The following GTPBP1 variants were observed in gnomAD, a reference collection of about 807,000 sequenced individuals.
The protein encoded by GTPBP1 is GTP-binding protein 1.
A neutral mutation model predicts 62.0 loss-of-function variants in GTPBP1; 23 were observed. That is an observed-to-expected ratio of 0.37 (90% CI 0.27 to 0.53). The LOEUF is 0.53. Ranked by LOEUF, GTPBP1 falls within the 20% of genes least tolerant of loss-of-function variation. The pLI, the probability that GTPBP1 is intolerant of heterozygous loss-of-function variation, is 0.89. For missense variants in GTPBP1, 640 were observed against 917.3 expected, an observed-to-expected ratio of 0.70 and a Z score of 3.90; for synonymous variants, 344 against 364.4, an observed-to-expected ratio of 0.94 and a Z score of 0.64.
In GTPBP1 at chr22:38,729,417, C is replaced by T. The variant is rs376974218; in HGVS notation, c.1717-45C>T. On this transcript the variant is annotated intron_variant, in intron 10 of 11. Coordinates refer to ENST00000216044, the MANE Select transcript of GTPBP1 (RefSeq NM_004286.5). ...GTGGGGGGTAGCCAAGCCAGTGCCA[C>T]TGCCCCGCAGCTCCAGCCTCAGCCT... 5.5e-6 allele frequency: 8 copies of T among 1,452,424 alleles called. No homozygotes were observed. The African/African-American group carries it at 1.2e-4, about 21-fold the overall frequency. 90.0% of individuals were successfully genotyped at this position (1,452,424 alleles called of 1,614,324 possible).
downstream of GTPBP1, chr22:38,736,167 T>A: frequency 8.8e-7 from 1 of 1,142,394 alleles, no homozygotes; most frequent in Non-Finnish European, 1.3e-6. Context: ...TCCTCTCTTG[T>A]GCTCCTAGAA....
At position 38,707,811 on chromosome 22, in the gene GTPBP1, T is replaced by C. The variant is rs548957936; in HGVS notation, c.193-1034T>C. On this transcript the variant is annotated intron_variant, in intron 1 of 11. Coordinates refer to ENST00000216044, the MANE Select transcript of GTPBP1 (RefSeq NM_004286.5). ...CATATGTATATTAATATCGATGATA[T>C]CAAAAAGAAAAAGTGATGGTGTGGA... 1.4e-4 allele frequency among the ~76,000 whole-genome samples: 22 copies of C among 152,292 alleles called. 1 individual carries two copies. Among genetic ancestry groups the C allele is most frequent in the Middle Eastern group, 3.4e-3 (1 of 294 alleles).
At position 38,730,736 on chromosome 22, in the gene GTPBP1, G is replaced by T. The variant is rs759611984; in HGVS notation, c.*32G>T. On this transcript the variant is annotated 3_prime_UTR_variant, in exon 12 of 12. Transcript: ENST00000216044. This position sits in a 1 kb window ranked among gnomAD's most constrained non-coding sequence, Gnocchi z 5.6. ...CCCTGGCCCACCCTCACCACCCAAG[G>T]GGTCATCATCTCTGGCCACCACTCC... The T allele has an allele frequency of 8.0e-6, 10 of 1,253,026 alleles. No homozygotes were observed. The South Asian group carries it at 1.2e-4, about 15-fold the overall frequency. The allele number at this position is 1,253,026 out of a possible 1,614,324, so 77.6% of individuals were successfully genotyped here. A position where few individuals can be genotyped will look rare whatever the true frequency, so the allele number is the denominator to read the frequency against.
chr22:38,734,182 A>G (rs1321692072), downstream of GTPBP1: 1 of 347,862 alleles, frequency 2.9e-6, no homozygotes, highest in Non-Finnish European at 5.7e-6. Context: ...GCCAGGTGCC[A>G]CGGTCAGTAT....
chr22:38,706,172 C>T (rs1485360700), intron 1 of GTPBP1, 25 bp downstream of exon 1: 5 of 1,220,918 alleles, frequency 4.1e-6, no homozygotes, highest in Middle Eastern at 3.1e-4. Flanking sequence ...CGGCGGCGGG[C>T]GCTGAGGGGA....
chr22:38,711,975 G>C (rs564777163), intron 2 of GTPBP1, among the ~76,000 whole-genome samples: 1 of 152,142 alleles, frequency 6.6e-6, no homozygotes, highest in Non-Finnish European at 1.5e-5. Context: ...CTGCCTCCTG[G>C]GTTCAAGCAG....
chr22:38,717,884 C>T (rs2092679461), intron 4 of GTPBP1, among the ~76,000 whole-genome samples: 1 of 152,206 alleles, frequency 6.6e-6, no homozygotes, highest in Non-Finnish European at 1.5e-5. Context: ...ACACACATGC[C>T]TCGAGTGTTC....
At chr22:38,711,297 G>A (rs2092637674) in intron 2 of GTPBP1, among the ~76,000 whole-genome samples, 2 of 152,170 alleles carry the variant, frequency 1.3e-5, no homozygotes, top group South Asian at 4.1e-4. Flanking sequence ...CATTCTTAAT[G>A]TTGATATTTT....
downstream of GTPBP1, chr22:38,738,023 C>T: frequency 1.3e-6 from 1 of 763,372 alleles, no homozygotes; most frequent in South Asian, 1.4e-5. The surrounding 1 kb of genome is among the most constrained non-coding windows in gnomAD (Gnocchi z 6.6). Flanking sequence ...CGTGTTACAC[C>T]CCATTTGGAT....
At chr22:38,715,131 C>T (rs143225503) in intron 2 of GTPBP1, among the ~76,000 whole-genome samples, 72 of 152,272 alleles carry the variant, frequency 4.7e-4, no homozygotes, top group African/African-American at 1.7e-3. Context: ...TAACTGGACT[C>T]CCCCCTTACT....
downstream of GTPBP1, chr22:38,735,314 A>T (rs780570850): frequency 4.5e-6 from 2 of 445,200 alleles, no homozygotes; most frequent in South Asian, 3.2e-5. Context: ...GGGCCTGGTT[A>T]GATGTGGGGG....
rs1157166040 is a variant in GTPBP1 at position 38,730,553 on chromosome 22, G to A, written c.1918-59G>A. ...TGTCTCCCCGCTGCTCAGCACCTCTGCTCTCTGGCCCTGCTCCTGATGGGC... is the reference window on the plus strand; with the variant it reads ...TGTCTCCCCGCTGCTCAGCACCTCTACTCTCTGGCCCTGCTCCTGATGGGC... On this transcript the variant is annotated intron_variant, in intron 11 of 11. Coordinates refer to ENST00000216044, the MANE Select transcript of GTPBP1 (RefSeq NM_004286.5). The surrounding 1 kb of genome is among the most constrained non-coding windows in gnomAD (Gnocchi z 5.6). 1.7e-6 allele frequency: 2 copies of A among 1,160,114 alleles called. No homozygotes were observed. The highest frequency in any genetic ancestry group is 2.6e-6 in the Non-Finnish European group (2 of 778,388). 71.9% of individuals were successfully genotyped at this position (1,160,114 alleles called of 1,614,324 possible). A position where few individuals can be genotyped will look rare whatever the true frequency, so the allele number is the denominator to read the frequency against.
At chr22:38,725,927 C>T in intron 6 of GTPBP1, 79 bp from the exon 7 acceptor site, 2 of 1,363,260 alleles carry the variant, frequency 1.5e-6, no homozygotes, top group Non-Finnish European at 2.1e-6. Flanking sequence ...CCTGTTGCTG[C>T]CCCTGGTCTG....
At position 38,723,623 on chromosome 22, in the gene GTPBP1, C is replaced by T. The variant is rs1396177720; in HGVS notation, c.959-674C>T. 2.0e-5 allele frequency: 10 copies of T among 506,838 alleles called. 1 individual carries two copies. Among genetic ancestry groups the T allele is most frequent in the Admixed American group, 1.4e-4 (4 of 29,032 alleles). 31.4% of individuals were successfully genotyped at this position (506,838 alleles called of 1,614,324 possible). On this transcript the variant is annotated intron_variant, in intron 5 of 11. Transcript: ENST00000216044. ...ATTTAGTTCTTGGTCTGAACACAGCCTAGAATTATCCTCTTCCTTGTTCCT... is the reference window on the plus strand; with the variant it reads ...ATTTAGTTCTTGGTCTGAACACAGCTTAGAATTATCCTCTTCCTTGTTCCT...
chr22:38,722,392 C>T (rs557122786), intron 5 of GTPBP1, among the ~76,000 whole-genome samples: 3 of 152,166 alleles, frequency 2.0e-5, no homozygotes, highest in Non-Finnish European at 4.4e-5. Context: ...TTTCAGGACC[C>T]TTGATCAGAA....
chr22:38,722,830 C>A, intron 5 of GTPBP1: 1 of 1,569,284 alleles, frequency 6.4e-7, no homozygotes, highest in Non-Finnish European at 8.8e-7. Context: ...GCTGGGCAGA[C>A]TTCTCCATGG....
chr22:38,706,204 C>T (rs1350733637), intron 1 of GTPBP1, 57 bp downstream of exon 1: 1 of 1,123,352 alleles, frequency 8.9e-7, no homozygotes, highest in African/African-American at 1.6e-5. Flanking sequence ...GCCGAGCAGT[C>T]TCCCGGGCGA....
In GTPBP1 at chr22:38,726,839, A is replaced by T. The variant is rs1193610695; in HGVS notation, c.1402-374A>T. ...GTGGGTTGTAGTTCAGGGGTCACCT[A>T]CCTTTACCCACCAACTAAATTAACC... is the stretch of plus-strand genomic sequence containing the variant. On this transcript the variant is annotated intron_variant, in intron 8 of 11. Coordinates refer to ENST00000216044, the MANE Select transcript of GTPBP1 (RefSeq NM_004286.5). The surrounding 1 kb of genome is among the most constrained non-coding windows in gnomAD (Gnocchi z 4.1). 6.6e-6 allele frequency among the ~76,000 whole-genome samples: 1 copy of T among 152,078 alleles called. No homozygotes were observed. Among genetic ancestry groups the T allele is most frequent in the African/African-American group, 2.4e-5 (1 of 41,422 alleles).
intron 2 of GTPBP1, among the ~76,000 whole-genome samples, chr22:38,712,003 C>T (rs1490930654): frequency 2.6e-5 from 4 of 152,090 alleles, no homozygotes; most frequent in African/African-American, 4.8e-5. Context: ...GCCTCAGCCT[C>T]CCGCGTAGCT....
Sources: gnomAD v4.1 joint callset for allele counts (sites outside exome capture counted in the v4.1 genomes callset) on GRCh38, gnomAD v4.1.1 for gene constraint, Gnocchi (gnomAD v3.1) non-coding constraint, MANE v1.5 for transcripts, NCBI Gene and HGNC (gene_info 2026-07-23, HGNC 2026-07-21) for gene names.